Variants in GTF2IRD1 observed in about 807,000 individuals in gnomAD.
GTF2IRD1 encodes general transcription factor II-I repeat domain-containing protein 1.
GTF2IRD1 carries 26 observed loss-of-function variants against 113.2 expected under a neutral mutation model. The ratio of observed to expected loss-of-function variants is 0.23; its 90% CI spans 0.17 to 0.32. The LOEUF is 0.32. Ranked by LOEUF, GTF2IRD1 falls within the 10% of genes least tolerant of loss-of-function variation. The pLI is 1.00. For synonymous variants in GTF2IRD1, 484 were observed against 529.1 expected (o/e 0.91, Z 1.17); for missense variants, 864 against 1,280.8 (o/e 0.67, Z 4.97).
At chr7:74,467,548 T>G (rs1554331212) in intron 1 of GTF2IRD1, among the ~76,000 whole-genome samples, 2 of 152,196 alleles carry the variant, frequency 1.3e-5, no homozygotes, top group Non-Finnish European at 2.9e-5. Flanking sequence ...TCGCCCAGGC[T>G]GGAGTGCAGT....
rs143637968 is a variant in GTF2IRD1 at position 74,564,325 on chromosome 7, C to T, written c.2320+4670C>T. 2.4e-4 allele frequency among the ~76,000 whole-genome samples: 37 copies of T among 152,240 alleles called. No homozygotes were observed. In the East Asian group the frequency reaches 7.0e-3, roughly 29 times the overall value. The stretch of plus-strand genomic sequence containing the variant: ...TACAGGCGTGAGCCACCGCACCTGG[C>T]TGAGATTGTGCTTTTTTGAAGATGA... On this transcript the variant is annotated intron_variant, in intron 22 of 26. Transcript: ENST00000424337.
chr7:74,521,684 C>T (rs1554346022), intron 7 of GTF2IRD1, among the ~76,000 whole-genome samples: 1 of 152,108 alleles, frequency 6.6e-6, no homozygotes, highest in Non-Finnish European at 1.5e-5. Flanking sequence ...ATCACTTGAG[C>T]CCAGGAGTTG....
chr7:74,557,391 G>A (rs587701754), intron 19 of GTF2IRD1, among the ~76,000 whole-genome samples: 1 of 152,286 alleles, frequency 6.6e-6, no homozygotes, highest in African/African-American at 2.4e-5. Flanking sequence ...TATTGGTTTG[G>A]TGGTTTTCAA....
chr7:74,519,458 G>T lies in GTF2IRD1; in HGVS notation c.655G>T (p.Gly219Cys). 2 of 1,580,060 alleles carry T rather than the reference G, an allele frequency of 1.3e-6. No individual in the cohort carries two copies. Among genetic ancestry groups the T allele is most frequent in the Non-Finnish European group, 1.7e-6 (2 of 1,163,070 alleles). Residue 219 changes from glycine (G) to cysteine (C), a missense_variant, in exon 6 of 27, where the codon GGT (glycine) becomes TGT (cysteine). Gly to Cys is a radical substitution (Grantham distance 159, BLOSUM62 -3). Coordinates refer to ENST00000424337, the MANE Select transcript of GTF2IRD1 (RefSeq NM_005685.4). ...RDSKALVELNGVSLIPKGSRD... is the reference protein window; with the variant it reads ...RDSKALVELNCVSLIPKGSRD... ...CTCGAAGGCCCTGGTGGAGCTGAACGGTGTCTCCCTGATTCCCAAGGGGTC... is the reference window on the plus strand; with the variant it reads ...CTCGAAGGCCCTGGTGGAGCTGAACTGTGTCTCCCTGATTCCCAAGGGGTC...
At chr7:74,591,215 T>TA (rs1802040935) in intron 24 of GTF2IRD1, among the ~76,000 whole-genome samples, 198 bp downstream of exon 24, 1 of 152,046 alleles carries the variant, frequency 6.6e-6, no homozygotes, top group African/African-American at 2.4e-5. Context: ...ATATTACATT[T>TA]GTTCTCTGGG....
At chr7:74,487,644 T>C (rs1384756907) in intron 1 of GTF2IRD1, 1 of 152,218 alleles carries the variant, frequency 6.6e-6, no homozygotes, top group African/African-American at 2.4e-5. Context: ...CTAGCTTATT[T>C]AAAGCCCAAA....
intron 22 of GTF2IRD1, among the ~76,000 whole-genome samples, chr7:74,589,513 A>T (rs587679112): frequency 6.6e-6 from 1 of 152,208 alleles, no homozygotes; most frequent in African/African-American, 2.4e-5. Flanking sequence ...CCTGGGCAAC[A>T]TGGTGAAACC....
chr7:74,545,884 G>T, intron 16 of GTF2IRD1, 75 bp downstream of exon 16: 1 of 1,076,452 alleles, frequency 9.3e-7, no homozygotes, highest in Non-Finnish European at 1.4e-6. Flanking sequence ...AAGGGCTTTG[G>T]TCGCATCCCC....
chr7:74,491,995 G>GTTTGTT (rs149911602), intron 1 of GTF2IRD1, among the ~76,000 whole-genome samples: 2 of 151,398 alleles, frequency 1.3e-5, no homozygotes, highest in Non-Finnish European at 2.9e-5. Context: ...TTTCTTGTTC[G>GTTTGTT]TTTGTTTTTG....
chr7:74,552,472 C>T (rs376809608), intron 17 of GTF2IRD1, among the ~76,000 whole-genome samples: 3 of 152,000 alleles, frequency 2.0e-5, no homozygotes, highest in South Asian at 2.1e-4. Context: ...GCTGAGATCG[C>T]GCCCCTGCAC....
chr7:74,547,586 G>A (rs59934036), intron 17 of GTF2IRD1, among the ~76,000 whole-genome samples: 11,199 of 151,152 alleles, frequency 0.074, 805 homozygotes, highest in East Asian at 0.42. Flanking sequence ...CTACAGGTGC[G>A]CGCCACCACG....
At chr7:74,494,459 G>C (rs1303524761) in intron 1 of GTF2IRD1, among the ~76,000 whole-genome samples, 2 of 152,210 alleles carry the variant, frequency 1.3e-5, no homozygotes, top group Non-Finnish European at 2.9e-5. Context: ...CTGAGAGTGA[G>C]TGAGTGGCTG....
chr7:74,468,474 A>G (rs1793866184), intron 1 of GTF2IRD1, among the ~76,000 whole-genome samples: 1 of 151,982 alleles, frequency 6.6e-6, no homozygotes, highest in South Asian at 2.1e-4. Flanking sequence ...CCTGGCCAAC[A>G]TGGTGAAACC....
intron 22 of GTF2IRD1, among the ~76,000 whole-genome samples, chr7:74,580,701 GA>G (rs1403903490): frequency 2.0e-5 from 3 of 152,134 alleles, no homozygotes; most frequent in Non-Finnish European, 4.4e-5. Flanking sequence ...GAATGAGCAG[GA>G]GGGGGGCAGG....
intron 2 of GTF2IRD1, among the ~76,000 whole-genome samples, chr7:74,510,894 C>T (rs571268853): frequency 1.3e-5 from 2 of 151,902 alleles, no homozygotes; most frequent in African/African-American, 4.8e-5. Flanking sequence ...ACTGAAAATA[C>T]AAAAATTAGC....
chr7:74,486,673 A>G (rs1554335643), intron 1 of GTF2IRD1, among the ~76,000 whole-genome samples: 2 of 152,106 alleles, frequency 1.3e-5, no homozygotes. Context: ...TGTCTGCCTC[A>G]CAATCCCAGC....
At chr7:74,532,847 T>C (rs782756040) in intron 9 of GTF2IRD1, among the ~76,000 whole-genome samples, 34 of 152,068 alleles carry the variant, frequency 2.2e-4, no homozygotes, top group Admixed American at 9.8e-4. Flanking sequence ...CATTGTCAGG[T>C]ATGCAGGCTG....
chr7:74,566,006 A>AACACACAC (rs66556824), intron 22 of GTF2IRD1, among the ~76,000 whole-genome samples: 17,896 of 143,094 alleles, frequency 0.13, 1,156 homozygotes, highest in Middle Eastern at 0.2. Context: ...AAGACACACA[A>AACACACAC]ACACACACAC....
intron 17 of GTF2IRD1, among the ~76,000 whole-genome samples, chr7:74,548,797 A>G (rs1230090002): frequency 7.9e-5 from 12 of 151,574 alleles, no homozygotes; most frequent in African/African-American, 2.9e-4. Context: ...TCAGCTACTC[A>G]GGAGGCTGAG....
Sources: allele counts gnomAD v4.1 joint callset (sites outside exome capture counted in the v4.1 genomes callset), GRCh38; gene constraint gnomAD v4.1.1; transcripts MANE v1.5; gene names NCBI Gene and HGNC (gene_info 2026-07-23, HGNC 2026-07-21).